The following POLE variants were observed in gnomAD, a reference collection of about 807,000 sequenced individuals.
POLE encodes the protein DNA polymerase epsilon, catalytic subunit, also known as DNA polymerase epsilon catalytic subunit A.
POLE carries 188 observed loss-of-function variants against 279.2 expected under a neutral mutation model. The ratio of observed to expected loss-of-function variants is 0.67; its 90% CI spans 0.60 to 0.76. The LOEUF (loss-of-function observed/expected upper bound fraction) is 0.76. Among genes scored for constraint, POLE ranks in the 30% least tolerant of loss-of-function variants. POLE has a pLI of 0.00. For synonymous variants in POLE, 1,214 were observed against 1,172.5 expected, an observed-to-expected ratio of 1.04 and a Z score of -0.72; for missense variants, 2,703 against 3,016.7, an observed-to-expected ratio of 0.90 and a Z score of 2.44.
Position 132,649,524 on chromosome 12 carries a change from G to T in POLE, c.3796-9C>A. The T allele has an allele frequency of 6.2e-7, 1 of 1,611,874 alleles. No homozygotes were observed. On this transcript the variant is annotated splice_polypyrimidine_tract_variant and intron_variant, in intron 30 of 48. Coordinates refer to ENST00000320574, the MANE Select transcript of POLE (RefSeq NM_006231.4). Reference sequence around the variant, plus strand: ...CAGACAAGCCATTCCTCCTGGGATGGATGGTGAGCACAGCCAGTGTGCAAG... The same window carrying T: ...CAGACAAGCCATTCCTCCTGGGATGTATGGTGAGCACAGCCAGTGTGCAAG...
chr12:132,629,580 T>G (rs7485668), intron 45 of POLE, among the ~76,000 whole-genome samples: 1 of 152,018 alleles, frequency 6.6e-6, no homozygotes, highest in Non-Finnish European at 1.5e-5. Flanking sequence ...CTTCAAGCTT[T>G]CCTTCTACAG....
intron 26 of POLE, 64 bp from the exon 27 acceptor site, chr12:132,658,034 C>G (rs947353630): frequency 1.0e-6 from 1 of 1,000,700 alleles, no homozygotes; most frequent in Non-Finnish European, 1.6e-6. Flanking sequence ...CTGATCCTAA[C>G]TCTTATCAAA....
chr12:132,648,219 T>A lies in POLE; in HGVS notation c.4149+710A>T, dbSNP rs576621731. ...ACTGTAGGGTTCCATTTACATCAAA[T>A]GCCCAAACAGGCAAACCCAGAGACA... On this transcript the variant is annotated intron_variant, in intron 32 of 48. Coordinates refer to ENST00000320574, the MANE Select transcript of POLE (RefSeq NM_006231.4). 6.6e-5 allele frequency among the ~76,000 whole-genome samples: 10 copies of A among 152,098 alleles called. No homozygotes were observed. In the South Asian group the frequency reaches 2.1e-3, roughly 32 times the overall value.
At position 132,624,689 on chromosome 12, in the gene POLE, G is replaced by A. The variant is rs762291032; in HGVS notation, c.*8C>T. On this transcript the variant is annotated 3_prime_UTR_variant, in exon 49 of 49. Coordinates refer to ENST00000320574, the MANE Select transcript of POLE (RefSeq NM_006231.4). ...ACGGACGCAGAGGCACCCGGGGCCC[G>A]GGGCTGGCTAATGGCCCAGCTGTGG... 1.2e-5 allele frequency: 19 copies of A among 1,570,916 alleles called. No homozygotes were observed. The highest frequency in any genetic ancestry group is 2.2e-5 in the South Asian group (2 of 90,206).
At chr12:132,651,729 T>A (rs919706934) in intron 29 of POLE, among the ~76,000 whole-genome samples, 2 of 152,210 alleles carry the variant, frequency 1.3e-5, no homozygotes, top group African/African-American at 4.8e-5. Context: ...GGCTTCTGCC[T>A]GGCTGGCACT....
chr12:132,679,481 C>T lies in POLE; in HGVS notation c.578+16G>A, dbSNP rs2043121180. 1.3e-6 allele frequency: 2 copies of T among 1,593,568 alleles called. No homozygotes were observed. Among genetic ancestry groups the T allele is most frequent in the Admixed American group, 1.7e-5 (1 of 59,438 alleles). ...TTCTGAACCGCTGATGCTTTGCTCA[C>T]AAGACCAAAGTTTACCTGGAAAGCA... is the stretch of plus-strand genomic sequence containing the variant. On this transcript the variant is annotated intron_variant, in intron 6 of 48. Coordinates refer to ENST00000320574, the MANE Select transcript of POLE (RefSeq NM_006231.4).
In POLE at chr12:132,652,645, TACA is replaced by T. The variant is rs749189816; in HGVS notation, c.3583-2759_3583-2757del. 6.6e-5 allele frequency among the ~76,000 whole-genome samples: 10 copies of T among 152,310 alleles called. No homozygotes were observed. The East Asian group carries it at 9.6e-4, about 15-fold the overall frequency. ...AGCCTTAGTTTCACACTCAGTGTGA[TACA>T]ACAACTTACTTCTCCAAATATGAAA... On this transcript the variant is annotated intron_variant, in intron 29 of 48. Transcript: ENST00000320574.
Position 132,680,611 on chromosome 12 carries a change from A to C in POLE, c.281T>G (p.Phe94Cys). The change falls in exon 3 of 49, where the codon TTT becomes TGT. Residue 94 changes from phenylalanine to cysteine, a missense_variant. Coordinates refer to ENST00000320574, the MANE Select transcript of POLE (RefSeq NM_006231.4). The stretch of plus-strand genomic sequence containing the variant: ...TTGTCGCAGTCAGGGGCTTACCTTA[A>C]ATCTGCTTCCGTCATCTTGAATAAA... ...YYFIQDDGSR[F>C]KVALPYKPYF... 6.2e-7 allele frequency: 1 copy of C among 1,613,056 alleles called. No individual in the cohort carries two copies. Among genetic ancestry groups the C allele is most frequent in the Non-Finnish European group, 8.5e-7 (1 of 1,179,142 alleles).
At chr12:132,632,906 C>A in intron 43 of POLE, 111 bp from the exon 44 acceptor site, 1 of 1,210,204 alleles carries the variant, frequency 8.3e-7, no homozygotes, top group South Asian at 1.5e-5. Flanking sequence ...GCTAAAATGT[C>A]ATTGTTAATA....
chr12:132,681,893 C>T (rs1292641279), intron 1 of POLE, among the ~76,000 whole-genome samples: 3 of 152,134 alleles, frequency 2.0e-5, no homozygotes, highest in South Asian at 2.1e-4. Flanking sequence ...ATAAAACAGA[C>T]GGATTGTCAG....
intron 47 of POLE, chr12:132,625,352 G>A (rs552582327): frequency 2.2e-5 from 16 of 730,718 alleles, no homozygotes; most frequent in South Asian, 1.8e-4. Flanking sequence ...CCTTCCTGTG[G>A]CCGAGCTGTG....
In POLE at chr12:132,649,715, C is replaced by G. The variant is rs1184564186; in HGVS notation, c.3757G>C (p.Glu1253Gln). ...AGGGCGGGAGGCTGCCCCAAGATTT[C>G]CTGCCAGGGCACAGTCGGCGTGAGG... ...QDLTPTVPWQEILGQPPALGT... is the reference protein window; with the variant it reads ...QDLTPTVPWQQILGQPPALGT... Residue 1253 changes from glutamate to glutamine, a missense_variant, in exon 30 of 49, where the codon GAA (glutamate) becomes CAA (glutamine). By Grantham distance (29) the Glu-to-Gln change is conservative. Around this residue, in one of 5 missense-constraint regions of POLE, gnomAD observed 1,551 missense variants for 1,686.1 expected, o/e 0.92. Coordinates refer to ENST00000320574, the MANE Select transcript of POLE (RefSeq NM_006231.4). 16 of 1,614,186 alleles carry G rather than the reference C, an allele frequency of 9.9e-6. No homozygotes were observed. The highest frequency in any genetic ancestry group is 1.4e-5 in the Non-Finnish European group (16 of 1,180,048).
rs2138607234 is a variant in POLE, at chr12:132,649,393, G to A, written c.3918C>T (p.Ala1306=). 6.2e-7 allele frequency: 1 copy of A among 1,613,272 alleles called. No individual in the cohort carries two copies. Among genetic ancestry groups the A allele is most frequent in the Non-Finnish European group, 8.5e-7 (1 of 1,180,016 alleles). The change falls in exon 31 of 49, where the codon GCC becomes GCT. Residue 1306 remains alanine (A), a synonymous_variant. Transcript: ENST00000320574. The part of the protein sequence containing the change: ...ESAEGVLRPG[A]IRDGPATGLG... ...GCCCCGTGGCAGGACCATCCCGGAT[G>A]GCCCCGGGCCTGAGCACACCCTCTG...
At chr12:132,684,972 C>T (rs2043229081) in intron 1 of POLE, among the ~76,000 whole-genome samples, 1 of 62,128 alleles carries the variant, frequency 1.6e-5, no homozygotes, top group Non-Finnish European at 3.9e-5. Context: ...TACTGTATCA[C>T]ACCGTCCCAG....
intron 23 of POLE, among the ~76,000 whole-genome samples, chr12:132,663,363 C>T (rs1323279928): frequency 1.3e-5 from 2 of 152,272 alleles, no homozygotes; most frequent in Non-Finnish European, 2.9e-5. Flanking sequence ...CACAAACCAA[C>T]ACGATGCGTG....
chr12:132,651,121 C>G (rs1396730875), intron 29 of POLE: 26 of 152,106 alleles, frequency 1.7e-4, no homozygotes, highest in Admixed American at 1.7e-3. Flanking sequence ...AGTGATCCAC[C>G]CACCTCAGCC....
intron 43 of POLE, chr12:132,633,273 C>T (rs1166027254): frequency 6.4e-6 from 1 of 156,938 alleles, no homozygotes; most frequent in Non-Finnish European, 1.4e-5. Context: ...AAGTGATTCT[C>T]CTGCCTCAGC....
intron 25 of POLE, chr12:132,660,679 T>A (rs949675625): frequency 3.7e-6 from 1 of 271,608 alleles, no homozygotes; most frequent in African/African-American, 2.2e-5. Context: ...GGCCTCTACT[T>A]CCTGGTCTCA....
At position 132,626,330 on chromosome 12, in the gene POLE, C is replaced by G. The variant is rs370597167; in HGVS notation, c.6331-13G>C. On this transcript the variant is annotated splice_polypyrimidine_tract_variant and intron_variant, in intron 45 of 48. Coordinates refer to ENST00000320574, the MANE Select transcript of POLE (RefSeq NM_006231.4). ...CCAGGGACAGCACCTGCAGAGACCA[C>G]AGCCCACATCGGGAAGGAGCTCCCG... The G allele has an allele frequency of 1.2e-6, 2 of 1,613,022 alleles. No homozygotes were observed. Among genetic ancestry groups the G allele is most frequent in the East Asian group, 2.2e-5 (1 of 44,884 alleles).
Sources: allele counts gnomAD v4.1 joint callset (sites outside exome capture counted in the v4.1 genomes callset), GRCh38; gene constraint gnomAD v4.1.1; regional missense constraint gnomAD v4.1.1; transcripts MANE v1.5; gene names NCBI Gene and HGNC (gene_info 2026-07-23, HGNC 2026-07-21).